EYA1: variants seen among roughly 807,000 people sequenced by gnomAD.
EYA1 encodes protein phosphatase EYA1.
In EYA1, 16 loss-of-function variants were observed where a neutral mutation model predicts 82.0. That is an observed-to-expected ratio of 0.20 (90% CI 0.13 to 0.30). EYA1 has a LOEUF of 0.30. Ranked by LOEUF, EYA1 falls within the 10% of genes least tolerant of loss-of-function variation. The pLI, the probability that EYA1 is intolerant of heterozygous loss-of-function variation, is 1.00. For missense variants in EYA1, 633 were observed against 730.7 expected (o/e 0.87, Z 1.54); for synonymous variants, 261 against 264.4 (o/e 0.99, Z 0.12).
At chr8:71,257,153 T>C (rs1814539631) in intron 11 of EYA1, among the ~76,000 whole-genome samples, 1 of 152,190 alleles carries the variant, frequency 6.6e-6, no homozygotes, top group South Asian at 2.1e-4. Flanking sequence ...CCTAAATACA[T>C]ACTCAACTCT....
intron 2 of EYA1, 132 bp downstream of exon 2, chr8:71,356,330 C>G (rs1826875166): frequency 1.3e-6 from 1 of 749,662 alleles, no homozygotes; most frequent in East Asian, 2.7e-5. Context: ...AGCACACACA[C>G]ACAAACTGTT....
At chr8:71,487,086 T>A (rs568627796) in intron 2 of EYA1, among the ~76,000 whole-genome samples, 5 of 150,960 alleles carry the variant, frequency 3.3e-5, no homozygotes, top group African/African-American at 9.8e-5. Context: ...ATTTTCCCAA[T>A]CTCTTCTGTT....
intron 10 of EYA1, among the ~76,000 whole-genome samples, chr8:71,271,458 AT>A (rs1816522192): frequency 6.6e-6 from 1 of 152,218 alleles, no homozygotes; most frequent in South Asian, 2.1e-4. Flanking sequence ...TAAAATGGCA[AT>A]GATACAGATC....
intron 3 of EYA1, among the ~76,000 whole-genome samples, chr8:71,347,205 C>A (rs1825823723): frequency 6.6e-6 from 1 of 152,186 alleles, no homozygotes. Flanking sequence ...TTGAAATCAG[C>A]CTGAAAGGCC....
chr8:71,527,971 C>G (rs1563706343), intron 2 of EYA1, among the ~76,000 whole-genome samples: 1 of 152,058 alleles, frequency 6.6e-6, no homozygotes, highest in Non-Finnish European at 1.5e-5. Context: ...AGTATTTAAA[C>G]CACCCTCCCT....
chr8:71,244,667 C>T lies in EYA1; in HGVS notation c.1076G>A (p.Gly359Glu). ...GAAAATCATTTCTTCCATTCGCAGT[C>T]CAAGGGAAACTGAAGTGGGTGGATC... ...GRDPPTSVSL[G>E]LRMEEMIFNL... Residue 359 changes from glycine to glutamate, a missense_variant, in exon 12 of 18, where the codon GGA becomes GAA. Gly to Glu is a moderately conservative substitution (Grantham distance 98). Transcript: ENST00000340726. 1 of 1,608,572 alleles carries T rather than the reference C, an allele frequency of 6.2e-7. No individual in the cohort carries two copies. The highest frequency in any genetic ancestry group is 8.5e-7 in the Non-Finnish European group (1 of 1,175,296).
At chr8:71,217,120 T>G in intron 12 of EYA1, 97 bp from the exon 13 acceptor site, 1 of 893,724 alleles carries the variant, frequency 1.1e-6, no homozygotes. Flanking sequence ...TAAAGCACCT[T>G]AATTGGAGGA....
At chr8:71,212,231 C>T (rs1808603413) in intron 16 of EYA1, among the ~76,000 whole-genome samples, 1 of 152,170 alleles carries the variant, frequency 6.6e-6, no homozygotes, top group Non-Finnish European at 1.5e-5. Context: ...TTTGCTTAAA[C>T]AAATGTCTGC....
intron 7 of EYA1, among the ~76,000 whole-genome samples, chr8:71,316,205 C>A (rs1821910730): frequency 6.6e-6 from 1 of 152,046 alleles, no homozygotes; most frequent in Non-Finnish European, 1.5e-5. Context: ...TAACACACAG[C>A]CCTTCCTTGT....
chr8:71,364,985 T>TATAC (rs1563538598), upstream of EYA1, among the ~76,000 whole-genome samples: 15 of 117,282 alleles, frequency 1.3e-4, 1 homozygote, highest in African/African-American at 3.5e-4. Context: ...TATATATATA[T>TATAC]ACATATACAC....
chr8:71,330,086 G>A (rs752868523), intron 4 of EYA1, among the ~76,000 whole-genome samples: 13 of 152,264 alleles, frequency 8.5e-5, no homozygotes, highest in East Asian at 3.9e-4. Flanking sequence ...TAAGCAAGGC[G>A]GGCAGGCAAC....
At chr8:71,511,925 G>A (rs1812624868) in intron 2 of EYA1, among the ~76,000 whole-genome samples, 1 of 152,144 alleles carries the variant, frequency 6.6e-6, no homozygotes, top group South Asian at 2.1e-4. Flanking sequence ...CCCAGACCTG[G>A]TTCATTAGCC....
At chr8:71,258,300 G>C (rs1431221222) in intron 11 of EYA1, among the ~76,000 whole-genome samples, 1 of 152,222 alleles carries the variant, frequency 6.6e-6, no homozygotes, top group East Asian at 1.9e-4. Context: ...TGGTGACTCA[G>C]GCAGGAGAGA....
intron 2 of EYA1, among the ~76,000 whole-genome samples, chr8:71,388,164 T>C (rs998354501): frequency 1.3e-5 from 2 of 152,186 alleles, no homozygotes; most frequent in African/African-American, 4.8e-5. Flanking sequence ...GATTCAGACC[T>C]AATCCTGCCA....
chr8:71,483,342 C>T (rs1289729324), intron 2 of EYA1, among the ~76,000 whole-genome samples: 1 of 144,310 alleles, frequency 6.9e-6, no homozygotes, highest in Non-Finnish European at 1.5e-5. Context: ...CTGTTTAACA[C>T]TGCAAAGCCC....
intron 11 of EYA1, among the ~76,000 whole-genome samples, chr8:71,245,153 C>T (rs62507633): frequency 0.012 from 1,880 of 152,284 alleles, 18 homozygotes; most frequent in Non-Finnish European, 0.019. Context: ...CTGCAGGCTG[C>T]GTGCAGCCCA....
At chr8:71,344,085 C>T (rs76900072) in intron 3 of EYA1, among the ~76,000 whole-genome samples, 9,402 of 152,184 alleles carry the variant, frequency 0.062, 401 homozygotes, top group Non-Finnish European at 0.095. Context: ...CCCCTAAACA[C>T]TTCAGCATTC....
intron 2 of EYA1, among the ~76,000 whole-genome samples, chr8:71,438,401 T>A (rs951802563): frequency 1.3e-5 from 2 of 151,682 alleles, no homozygotes; most frequent in Non-Finnish European, 2.9e-5. Flanking sequence ...AATAATGAAG[T>A]AAATAAATTC....
chr8:71,268,828 G>C (rs1816174964), intron 11 of EYA1, among the ~76,000 whole-genome samples: 1 of 152,062 alleles, frequency 6.6e-6, no homozygotes, highest in South Asian at 2.1e-4. Context: ...CAACCACCCG[G>C]TCAAATTTGT....
Sources: allele counts gnomAD v4.1 joint callset (sites outside exome capture counted in the v4.1 genomes callset), GRCh38; gene constraint gnomAD v4.1.1; transcripts MANE v1.5; gene names NCBI Gene and HGNC (gene_info 2026-07-23, HGNC 2026-07-21).